The following DAB1 variants were observed in gnomAD, a reference collection of about 807,000 sequenced individuals.
The protein encoded by DAB1 is disabled homolog 1.
DAB1 carries 15 observed loss-of-function variants against 64.6 expected under a neutral mutation model. The observed-to-expected ratio is 0.23, with a 90% CI of 0.16 to 0.36. The LOEUF (loss-of-function observed/expected upper bound fraction) is 0.36, where lower values mean the gene tolerates loss of function less well. DAB1 is among the 10% of genes least tolerant of loss of function. The pLI is 1.00. For synonymous variants in DAB1, 235 were observed against 251.9 expected (o/e 0.93, Z 0.64); for missense variants, 596 against 706.7 (o/e 0.84, Z 1.78).
intron 9 of DAB1, among the ~76,000 whole-genome samples, chr1:57,035,688 T>C (rs1647118866): frequency 6.6e-6 from 1 of 152,136 alleles, no homozygotes; most frequent in South Asian, 2.1e-4. Context: ...GAGTGGGTAA[T>C]GACATCATGG....
chr1:57,967,028 T>C (rs186654679), intron 5 of DAB1, among the ~76,000 whole-genome samples: 32 of 152,314 alleles, frequency 2.1e-4, no homozygotes, highest in Admixed American at 2.0e-3. Context: ...ATTTTTTAAA[T>C]GAATGAAGGT....
chr1:58,199,761 A>G (rs1450055532), intron 4 of DAB1, among the ~76,000 whole-genome samples: 2 of 152,216 alleles, frequency 1.3e-5, no homozygotes, highest in African/African-American at 4.8e-5. Flanking sequence ...TGATTGCTAC[A>G]ACACACAACC....
In DAB1 at chr1:57,682,482, A is replaced by C. The variant is rs574560638; in HGVS notation, n.552-32817T>G. The stretch of plus-strand genomic sequence containing the variant: ...GCAGGTCTATGGAGACAAAACATGG[A>C]GAGTGGATGGAAAGGTGACACTAAT... On this transcript the variant is annotated intron_variant and non_coding_transcript_variant, in intron 6 of 20. Transcript: ENST00000485760. Among the ~76,000 whole-genome samples the C allele has an allele frequency of 6.6e-5, 10 of 151,480 alleles. No individual in the cohort carries two copies. The South Asian group carries it at 1.9e-3, about 29-fold the overall frequency.
chr1:57,658,039 C>CTAG (rs1646338651), intron 6 of DAB1, among the ~76,000 whole-genome samples: 1 of 152,116 alleles, frequency 6.6e-6, no homozygotes, highest in East Asian at 1.9e-4. Flanking sequence ...TGGTGACATA[C>CTAG]TAGTGTTCAT....
At chr1:57,470,090 C>T (rs1417617656) in intron 7 of DAB1, among the ~76,000 whole-genome samples, 1 of 152,114 alleles carries the variant, frequency 6.6e-6, no homozygotes, top group Non-Finnish European at 1.5e-5. Flanking sequence ...TCAAGATTTG[C>T]TATTTCTTAT....
At chr1:57,775,669 G>A (rs573368026) in intron 6 of DAB1, among the ~76,000 whole-genome samples, 3 of 151,768 alleles carry the variant, frequency 2.0e-5, no homozygotes, top group South Asian at 2.1e-4. Context: ...AAAAGAAAGT[G>A]TATTCTGCTG....
intron 1 of DAB1, among the ~76,000 whole-genome samples, chr1:57,302,263 T>G (rs1406748246): frequency 6.6e-6 from 1 of 152,046 alleles, no homozygotes; most frequent in East Asian, 1.9e-4. Flanking sequence ...TGTCTTTTTG[T>G]TGTTGTTTCC....
chr1:58,479,893 G>A (rs1645456961), intron 3 of DAB1, among the ~76,000 whole-genome samples: 1 of 152,128 alleles, frequency 6.6e-6, no homozygotes, highest in Admixed American at 6.5e-5. Flanking sequence ...ATGGAATAAA[G>A]ATAAATATAG....
At chr1:58,374,318 AC>A (rs1246973307) in intron 3 of DAB1, among the ~76,000 whole-genome samples, 2 of 119,676 alleles carry the variant, frequency 1.7e-5, no homozygotes, top group Non-Finnish European at 3.5e-5. Context: ...TTTAGGTCTA[AC>A]GTTTAAATCT....
chr1:57,238,040 TGGGTGGAGGTTAG>T (rs1668221921), intron 2 of DAB1, among the ~76,000 whole-genome samples: 1 of 152,096 alleles, frequency 6.6e-6, no homozygotes, highest in African/African-American at 2.4e-5. Context: ...TGCTGAATAC[TGGGTGGAGGTTAG>T]CCTTGGCTCT....
intron 1 of DAB1, among the ~76,000 whole-genome samples, chr1:57,354,903 A>T (rs1282331768): frequency 6.6e-6 from 1 of 152,066 alleles, no homozygotes; most frequent in Admixed American, 6.6e-5. Flanking sequence ...TGCTACTGGG[A>T]AAAGGGGTGC....
chr1:57,853,844 G>A (rs1653638785), intron 1 of DAB1, among the ~76,000 whole-genome samples: 3 of 152,152 alleles, frequency 2.0e-5, no homozygotes, highest in African/African-American at 7.2e-5. Flanking sequence ...AGAAGGTTCT[G>A]GTTGTCACAT....
chr1:57,644,219 G>A (rs528934577), intron 7 of DAB1, among the ~76,000 whole-genome samples: 18 of 152,278 alleles, frequency 1.2e-4, no homozygotes, highest in Non-Finnish European at 2.5e-4. Context: ...TTCAAAAGAG[G>A]CGAGAAACTA....
At chr1:57,340,764 C>T (rs940580333) in intron 1 of DAB1, among the ~76,000 whole-genome samples, 5 of 152,118 alleles carry the variant, frequency 3.3e-5, no homozygotes, top group Admixed American at 6.5e-5. Context: ...CTGAGGAAGC[C>T]GAAGTACGGA....
At chr1:57,342,726 C>A (rs1379008829) in intron 1 of DAB1, among the ~76,000 whole-genome samples, 2 of 152,050 alleles carry the variant, frequency 1.3e-5, no homozygotes, top group Admixed American at 1.3e-4. Flanking sequence ...GAGTTTCTTC[C>A]TTATGGTGGG....
At chr1:58,065,708 C>A (rs866410033) in intron 5 of DAB1, among the ~76,000 whole-genome samples, 1 of 152,130 alleles carries the variant, frequency 6.6e-6, no homozygotes, top group East Asian at 1.9e-4. Flanking sequence ...TATTAGGATG[C>A]GTGGTGATTT....
chr1:58,048,260 C>T, intron 5 of DAB1: 2 of 1,286,944 alleles, frequency 1.6e-6, no homozygotes, highest in Middle Eastern at 2.6e-4. Context: ...AAAGTATTGG[C>T]CTCCACCGCC....
chr1:58,352,058 C>T (rs1053247644), intron 3 of DAB1, among the ~76,000 whole-genome samples: 31 of 151,736 alleles, frequency 2.0e-4, no homozygotes, highest in African/African-American at 7.5e-4. Context: ...AAGCCCTAGC[C>T]TCTCCTTTAA....
intron 6 of DAB1, among the ~76,000 whole-genome samples, chr1:57,809,993 T>A (rs1159929332): frequency 6.6e-6 from 1 of 152,160 alleles, no homozygotes; most frequent in Non-Finnish European, 1.5e-5. Context: ...ACAACACCTG[T>A]ACCAAGGATC....
Sources: gnomAD v4.1 joint callset for allele counts (sites outside exome capture counted in the v4.1 genomes callset) on GRCh38, gnomAD v4.1.1 for gene constraint, MANE v1.5 for transcripts, NCBI Gene and HGNC (gene_info 2026-07-23, HGNC 2026-07-21) for gene names.